NCAPH: variants seen among roughly 807,000 people sequenced by gnomAD.
The protein encoded by NCAPH is non-SMC condensin I complex subunit H, also known as condensin complex subunit 2.
NCAPH carries 38 observed loss-of-function variants against 85.5 expected under a neutral mutation model. The observed-to-expected ratio is 0.44, with a 90% CI of 0.34 to 0.58. NCAPH has a LOEUF of 0.58. Among genes scored for constraint, NCAPH ranks in the 20% least tolerant of loss-of-function variants. NCAPH has a pLI of 0.01. For missense variants in NCAPH, 789 were observed against 916.6 expected (o/e 0.86, Z 1.80); for synonymous variants, 301 against 335.1 (o/e 0.90, Z 1.11).
rs550633255 is a variant in NCAPH, at chr2:96,359,906, A to G, written c.1358-237A>G. 3.0e-3 allele frequency among the ~76,000 whole-genome samples: 461 copies of G among 152,354 alleles called. 2 individuals carry two copies. Among genetic ancestry groups the G allele is most frequent in the Non-Finnish European group, 4.9e-3 (332 of 68,042 alleles). ...CCAAAGTGTTGGGATTACAGGCATG[A>G]GCCACTGCACCTGGCCAAGCATATG... On this transcript the variant is annotated intron_variant, in intron 10 of 17. Transcript: ENST00000240423.
intron 1 of NCAPH, among the ~76,000 whole-genome samples, chr2:96,338,394 G>A (rs1417043877): frequency 1.3e-5 from 2 of 152,092 alleles, no homozygotes; most frequent in East Asian, 3.8e-4. Context: ...CAACCTCTTT[G>A]CCTGCTTGAG....
intron 5 of NCAPH, 121 bp from the exon 6 acceptor site, chr2:96,343,984 G>A (rs2064330173): frequency 1.5e-6 from 2 of 1,296,616 alleles, no homozygotes; most frequent in Non-Finnish European, 2.1e-6. Context: ...TTACAGGCAT[G>A]AGCCACCACA....
At chr2:96,366,919 C>T (rs1020696619) in intron 14 of NCAPH, among the ~76,000 whole-genome samples, 1 of 149,992 alleles carries the variant, frequency 6.7e-6, no homozygotes, top group Non-Finnish European at 1.5e-5. Flanking sequence ...GACCGCGTGG[C>T]CAAAATGGTG....
rs764721564 is a variant in NCAPH, at chr2:96,354,413, GT to G, written c.1208+28del. 11 of 1,482,558 alleles carry G rather than the reference GT, an allele frequency of 7.4e-6. No individual in the cohort carries two copies. In the East Asian group the frequency reaches 2.8e-4, roughly 37 times the overall value. 91.8% of individuals were successfully genotyped at this position (1,482,558 alleles called of 1,614,324 possible). A position where few individuals can be genotyped will look rare whatever the true frequency, so the allele number is the denominator to read the frequency against. On this transcript the variant is annotated intron_variant, in intron 9 of 17. Transcript: ENST00000240423. Reference sequence around the variant, plus strand: ...AGTAAGGCTCTCAGAGTCCGAAAGTGTTTCTATAGGAGTTTTCCATTGGTTC... The same window carrying G: ...AGTAAGGCTCTCAGAGTCCGAAAGTGTTCTATAGGAGTTTTCCATTGGTTC...
At chr2:96,360,763 G>C in intron 12 of NCAPH, 53 bp downstream of exon 12, 2 of 1,607,150 alleles carry the variant, frequency 1.2e-6, no homozygotes, top group African/African-American at 1.3e-5. Flanking sequence ...GTGGCTGATA[G>C]TATGACAGTT....
chr2:96,366,572 T>A (rs1573095231), intron 14 of NCAPH, among the ~76,000 whole-genome samples: 1 of 152,218 alleles, frequency 6.6e-6, no homozygotes, highest in Non-Finnish European at 1.5e-5. Context: ...TGAGGGACTC[T>A]ATATAGTGTC....
intron 10 of NCAPH, 106 bp downstream of exon 10, chr2:96,359,299 C>T: frequency 2.1e-6 from 3 of 1,396,298 alleles, no homozygotes; most frequent in South Asian, 2.6e-5. Context: ...TGTTGTGTCT[C>T]TTAATAAGCC....
intron 12 of NCAPH, among the ~76,000 whole-genome samples, chr2:96,361,771 T>C (rs1345811914): frequency 1.0e-4 from 14 of 134,810 alleles, no homozygotes; most frequent in African/African-American, 2.9e-4. Flanking sequence ...TATATATACA[T>C]ATATATATAT....
chr2:96,350,738 A>G (rs1442901376), intron 6 of NCAPH, among the ~76,000 whole-genome samples: 1 of 152,060 alleles, frequency 6.6e-6, no homozygotes, highest in Non-Finnish European at 1.5e-5. Flanking sequence ...TTGGACTCCG[A>G]GCTAAGGGGA....
Position 96,340,483 on chromosome 2 carries a change from C to T in NCAPH, c.20-1159C>T, listed in dbSNP as rs140759222. 5.5e-3 allele frequency among the ~76,000 whole-genome samples: 828 copies of T among 150,310 alleles called. 8 individuals are homozygous for T. Among genetic ancestry groups the T allele is most frequent in the African/African-American group, 0.02 (798 of 40,832 alleles). Reference sequence around the variant, plus strand: ...TTGGCTCAGTGCAACCTCTGTCTCCCGGGTTCAAGCGATTATCTTGCCTCA... The same window carrying T: ...TTGGCTCAGTGCAACCTCTGTCTCCTGGGTTCAAGCGATTATCTTGCCTCA... On this transcript the variant is annotated intron_variant, in intron 1 of 17. Transcript: ENST00000240423.
rs745359482 is a variant in NCAPH at position 96,360,240 on chromosome 2, A to G, written c.1455A>G (p.Arg485=). ...ATATTGACTTTGATGTATATTTTAG[A>G]AAAACAAAGGTTTGTACTGAATTTA... The part of the protein sequence containing the change: ...EDDIDFDVYF[R]KTKAATILTK... The change falls in exon 11 of 18, where the codon AGA becomes AGG. Residue 485 remains arginine (R), a synonymous_variant. Transcript: ENST00000240423. 6.8e-7 allele frequency: 1 copy of G among 1,479,676 alleles called. No homozygotes were observed. Among genetic ancestry groups the G allele is most frequent in the Middle Eastern group, 1.7e-4 (1 of 5,796 alleles). The allele number at this position is 1,479,676 out of a possible 1,614,324, so 91.7% of individuals were successfully genotyped here.
At chr2:96,370,447 C>T (rs566628316) in intron 17 of NCAPH, among the ~76,000 whole-genome samples, 1 of 152,304 alleles carries the variant, frequency 6.6e-6, no homozygotes, top group East Asian at 1.9e-4. Context: ...GGATTTCCTA[C>T]ATGCCAACAT....
At chr2:96,352,357 TAGAG>T (rs1226432473) in intron 7 of NCAPH, among the ~76,000 whole-genome samples, 1 of 152,156 alleles carries the variant, frequency 6.6e-6, no homozygotes, top group African/African-American at 2.4e-5. Context: ...GAAGGGGACT[TAGAG>T]AGACCTTTGC....
At chr2:96,364,934 T>C (rs956800631) in intron 13 of NCAPH, among the ~76,000 whole-genome samples, 8 of 152,238 alleles carry the variant, frequency 5.3e-5, no homozygotes, top group Non-Finnish European at 1.0e-4. Context: ...TGTCCTCTTA[T>C]GAGCTAATAT....
rs2064833808 is a variant in NCAPH at position 96,376,560 on chromosome 2, T to C, written c.*3209T>C. On this transcript the variant is annotated 3_prime_UTR_variant, in exon 18 of 18. Coordinates refer to ENST00000240423, the MANE Select transcript of NCAPH (RefSeq NM_015341.5). ...CACTTTGGTGCCCTAGAAATTCTGC[T>C]GTGGTGCAACTATAGTGGATCACAG... is the stretch of plus-strand genomic sequence containing the variant. Among the ~76,000 whole-genome samples, 1 of 152,236 alleles carries C rather than the reference T, an allele frequency of 6.6e-6. No homozygotes were observed. Among genetic ancestry groups the C allele is most frequent in the Middle Eastern group, 3.2e-3 (1 of 316 alleles).
chr2:96,341,203 T>C (rs1346316212), intron 1 of NCAPH, among the ~76,000 whole-genome samples: 1 of 152,224 alleles, frequency 6.6e-6, no homozygotes, highest in African/African-American at 2.4e-5. Context: ...CTCTGTCTGT[T>C]TGCCAAGATA....
intron 14 of NCAPH, 49 bp from the exon 15 acceptor site, chr2:96,367,208 A>T (rs112248735): frequency 7.4e-7 from 1 of 1,359,544 alleles, no homozygotes; most frequent in Non-Finnish European, 1.0e-6. Flanking sequence ...AATTATGGTA[A>T]AAGTTTCTTT....
chr2:96,368,636 A>G (rs753329551), intron 15 of NCAPH, among the ~76,000 whole-genome samples: 1 of 152,102 alleles, frequency 6.6e-6, no homozygotes, highest in Non-Finnish European at 1.5e-5. Context: ...CAGCCTGGCG[A>G]CAGAGCGAGA....
Position 96,342,774 on chromosome 2 carries a change from G to A in NCAPH, c.382G>A (p.Ala128Thr). ...STENKITTKN[A>T]FGLHLIDFMS... ...TTTTCAGAAAATCACTACCAAGAAT[G>A]CTTTTGGTTTGCACTTGATTGATTT... The change falls in exon 4 of 18, where the codon GCT becomes ACT. Residue 128 changes from alanine (A) to threonine (T), a missense_variant. By Grantham distance (58) the Ala-to-Thr change is moderately conservative. Transcript: ENST00000240423. 1 of 1,612,444 alleles carries A rather than the reference G, an allele frequency of 6.2e-7. No individual in the cohort carries two copies. Among genetic ancestry groups the A allele is most frequent in the Non-Finnish European group, 8.5e-7 (1 of 1,179,204 alleles).
Sources: gnomAD v4.1 joint callset for allele counts (sites outside exome capture counted in the v4.1 genomes callset) on GRCh38, gnomAD v4.1.1 for gene constraint, MANE v1.5 for transcripts, NCBI Gene and HGNC (gene_info 2026-07-23, HGNC 2026-07-21) for gene names.